Variants in THSD7A observed in about 807,000 individuals in gnomAD.
THSD7A encodes thrombospondin type-1 domain-containing protein 7A.
A neutral mutation model predicts 231.3 loss-of-function variants in THSD7A; 96 were observed. The observed-to-expected ratio is 0.41, with a 90% CI of 0.35 to 0.49. The LOEUF (loss-of-function observed/expected upper bound fraction) is 0.49, where lower values mean the gene tolerates loss of function less well. Ranked by LOEUF, THSD7A falls within the 20% of genes least tolerant of loss-of-function variation. The probability of loss-of-function intolerance (pLI) is 0.05; values close to 1 mark genes in which losing one functional copy is unlikely to be tolerated. For missense variants in THSD7A, 2,290 were observed against 2,070.2 expected (o/e 1.11, Z -2.06); for synonymous variants, 940 against 743.3 (o/e 1.26, Z -4.30).
chr7:11,497,946 C>G (rs1052967073), intron 6 of THSD7A, among the ~76,000 whole-genome samples: 1 of 152,108 alleles, frequency 6.6e-6, no homozygotes, highest in Non-Finnish European at 1.5e-5. Context: ...CTTTGCAACC[C>G]TTGGGTTAGG....
chr7:11,650,763 A>T (rs575422161), intron 1 of THSD7A, among the ~76,000 whole-genome samples: 195 of 152,218 alleles, frequency 1.3e-3, no homozygotes, highest in African/African-American at 4.6e-3. Flanking sequence ...GATGCAAAAT[A>T]GCACAGAAGT....
intron 1 of THSD7A, among the ~76,000 whole-genome samples, chr7:11,811,644 C>T (rs1784531065): frequency 6.6e-6 from 1 of 152,098 alleles, no homozygotes; most frequent in Non-Finnish European, 1.5e-5. Flanking sequence ...TACTGTAATG[C>T]TTGCAAAGGA....
intron 6 of THSD7A, among the ~76,000 whole-genome samples, chr7:11,513,959 G>C (rs1307555994): frequency 6.7e-6 from 1 of 150,014 alleles, no homozygotes; most frequent in Non-Finnish European, 1.5e-5. Context: ...ACACACAAAT[G>C]TACACATACC....
rs1784918985 is a variant in THSD7A at position 11,444,928 on chromosome 7, G to A, written c.3064+1133C>T. ...GTATATATATAATGAAACTATATAT[G>A]TATATATAGAATGAAACTATATATA... On this transcript the variant is annotated intron_variant, in intron 13 of 27. Transcript: ENST00000423059. The surrounding 1 kb of genome is among the most constrained non-coding windows in gnomAD (Gnocchi z 4.2). 6.8e-6 allele frequency among the ~76,000 whole-genome samples: 1 copy of A among 146,992 alleles called. No homozygotes were observed. Among genetic ancestry groups the A allele is most frequent in the Non-Finnish European group, 1.5e-5 (1 of 66,980 alleles).
intron 6 of THSD7A, among the ~76,000 whole-genome samples, chr7:11,522,811 C>A (rs1302051473): frequency 2.0e-5 from 3 of 152,016 alleles, no homozygotes; most frequent in African/African-American, 7.2e-5. Context: ...TACGAAAGTA[C>A]ATGGAAAATA....
intron 4 of THSD7A, among the ~76,000 whole-genome samples, chr7:11,577,833 G>A (rs1177724450): frequency 1.3e-5 from 2 of 151,960 alleles, no homozygotes; most frequent in Admixed American, 1.3e-4. Context: ...GTTACTACAA[G>A]CATCTTTGTC....
chr7:11,484,696 T>C (rs1325277921), intron 6 of THSD7A, among the ~76,000 whole-genome samples: 1 of 151,904 alleles, frequency 6.6e-6, no homozygotes, highest in East Asian at 1.9e-4. Flanking sequence ...TTTTAAGTTG[T>C]GCTAGGAAAT....
intron 4 of THSD7A, among the ~76,000 whole-genome samples, chr7:11,545,010 TAA>T (rs921363083): frequency 7.9e-5 from 12 of 152,050 alleles, no homozygotes; most frequent in Admixed American, 1.3e-4. Context: ...ACTAATGACA[TAA>T]AATATAGAAA....
At chr7:11,684,367 C>T (rs560736644) in intron 1 of THSD7A, among the ~76,000 whole-genome samples, 1 of 145,472 alleles carries the variant, frequency 6.9e-6, no homozygotes, top group Non-Finnish European at 1.5e-5. Flanking sequence ...CAATGTTGTA[C>T]TAGAAATCCT....
chr7:11,387,192 G>A (rs560027924), intron 23 of THSD7A, among the ~76,000 whole-genome samples: 22 of 152,152 alleles, frequency 1.4e-4, no homozygotes, highest in Middle Eastern at 3.4e-3. Flanking sequence ...TTGGCTATGC[G>A]GGCTCTTTTT....
chr7:11,408,601 C>G (rs976527496), intron 19 of THSD7A, among the ~76,000 whole-genome samples: 1 of 151,606 alleles, frequency 6.6e-6, no homozygotes, highest in South Asian at 2.1e-4. Context: ...TTGGAATTTC[C>G]AAGACCTTTT....
chr7:11,472,401 C>T (rs1021227605), intron 8 of THSD7A, among the ~76,000 whole-genome samples: 1 of 152,088 alleles, frequency 6.6e-6, no homozygotes, highest in Non-Finnish European at 1.5e-5. Context: ...TTTCAATTTG[C>T]ATTTTTTGGT....
intron 1 of THSD7A, among the ~76,000 whole-genome samples, chr7:11,651,236 A>T (rs1782488203): frequency 6.6e-6 from 1 of 152,058 alleles, no homozygotes; most frequent in Non-Finnish European, 1.5e-5. Flanking sequence ...GAATGGTCAA[A>T]TTCATAGAGA....
chr7:11,466,506 C>G (rs980119703), intron 9 of THSD7A, among the ~76,000 whole-genome samples: 2 of 152,138 alleles, frequency 1.3e-5, no homozygotes, highest in South Asian at 4.1e-4. Context: ...CATCTTGGCA[C>G]TGTTATCCAA....
intron 4 of THSD7A, among the ~76,000 whole-genome samples, chr7:11,554,158 G>A (rs1015090906): frequency 3.3e-5 from 5 of 151,960 alleles, no homozygotes; most frequent in African/African-American, 1.2e-4. Context: ...CAAACTTAAT[G>A]TCTACCAGAA....
chr7:11,447,471 T>C (rs769963218), intron 11 of THSD7A, 47 bp from the exon 12 acceptor site: 1 of 1,425,604 alleles, frequency 7.0e-7, no homozygotes, highest in Admixed American at 3.0e-5. Context: ...AACGTCTAAT[T>C]ACTCTATAAT....
intron 6 of THSD7A, among the ~76,000 whole-genome samples, chr7:11,517,062 T>C (rs1003565276): frequency 1.3e-5 from 2 of 152,182 alleles, no homozygotes; most frequent in South Asian, 4.1e-4. Flanking sequence ...AGAGAACATA[T>C]AAATACTTCC....
At chr7:11,379,907 G>T (rs1359177736) in intron 24 of THSD7A, among the ~76,000 whole-genome samples, 195 bp from the exon 25 acceptor site, 1 of 152,098 alleles carries the variant, frequency 6.6e-6, no homozygotes, top group Non-Finnish European at 1.5e-5. Flanking sequence ...TTACCCAGGG[G>T]AGCTAGCTCA....
chr7:11,585,613 C>T lies in THSD7A; in HGVS notation c.1453+4847G>A, dbSNP rs192679757. On this transcript the variant is annotated intron_variant, in intron 4 of 27. Coordinates refer to ENST00000423059, the MANE Select transcript of THSD7A (RefSeq NM_015204.3). ...AAACACTGAAATAAATCTAAGCTTACATACACTTAAGAAAGATTAAAAACA... is the reference window on the plus strand; with the variant it reads ...AAACACTGAAATAAATCTAAGCTTATATACACTTAAGAAAGATTAAAAACA... Among the ~76,000 whole-genome samples the T allele has an allele frequency of 1.7e-3, 258 of 152,296 alleles. 1 individual carries two copies. The highest frequency in any genetic ancestry group is 2.8e-3 in the Non-Finnish European group (188 of 68,022).
Sources: gnomAD v4.1 joint callset for allele counts (sites outside exome capture counted in the v4.1 genomes callset) on GRCh38, gnomAD v4.1.1 for gene constraint, Gnocchi (gnomAD v3.1) non-coding constraint, MANE v1.5 for transcripts, NCBI Gene and HGNC (gene_info 2026-07-23, HGNC 2026-07-21) for gene names.